The following AKAP6 variants were observed in gnomAD, a reference collection of about 807,000 sequenced individuals.
The protein encoded by AKAP6 is A-kinase anchoring protein 6.
Under a neutral mutation model 188.5 loss-of-function variants are expected in AKAP6, and 58 were observed. That is an observed-to-expected ratio of 0.31 (90% CI 0.25 to 0.38). The LOEUF (loss-of-function observed/expected upper bound fraction) is 0.38, where lower values mean the gene tolerates loss of function less well. Among genes scored for constraint, AKAP6 ranks in the 10% least tolerant of loss-of-function variants. AKAP6 has a pLI of 1.00. For missense variants in AKAP6, 2,710 were observed against 2,740.0 expected (o/e 0.99, Z 0.24); for synonymous variants, 989 against 998.6 (o/e 0.99, Z 0.18).
At chr14:32,411,200 A>G (rs1889473172) in intron 1 of AKAP6, among the ~76,000 whole-genome samples, 1 of 152,204 alleles carries the variant, frequency 6.6e-6, no homozygotes, top group South Asian at 2.1e-4. Context: ...TGCACAGGAC[A>G]GCTCTCCACA....
chr14:32,443,926 A>G (rs1252538079), intron 2 of AKAP6, among the ~76,000 whole-genome samples: 1 of 152,192 alleles, frequency 6.6e-6, no homozygotes, highest in East Asian at 1.9e-4. Context: ...GAGAGACACA[A>G]ACATCTTTGT....
At position 32,822,236 on chromosome 14, in the gene AKAP6, G is replaced by A; in HGVS notation, c.4423G>A (p.Gly1475Ser). ...FTFYDYSYLQ[G>S]SKLKLPMIMK... ...ATTTTATGATTACTCATACCTCCAA[G>A]GCTCAAAACTCAAATTACCAATGAT... The change falls in exon 13 of 14, where the codon GGC becomes AGC. Residue 1475 changes from glycine to serine, a missense_variant. Around this residue, in one of 2 missense-constraint regions of AKAP6, gnomAD observed 2,473 missense variants for 2,426.1 expected, o/e 1.02. Transcript: ENST00000280979. 6.2e-7 allele frequency: 1 copy of A among 1,613,854 alleles called. No individual in the cohort carries two copies. Among genetic ancestry groups the A allele is most frequent in the Non-Finnish European group, 8.5e-7 (1 of 1,179,928 alleles).
intron 5 of AKAP6, among the ~76,000 whole-genome samples, chr14:32,589,841 A>G (rs1169155084): frequency 6.6e-6 from 1 of 152,176 alleles, no homozygotes; most frequent in Admixed American, 6.5e-5. Flanking sequence ...AAGTTTACAG[A>G]CAAGCCTCAC....
At chr14:32,493,229 C>T (rs545632074) in intron 2 of AKAP6, among the ~76,000 whole-genome samples, 4 of 152,054 alleles carry the variant, frequency 2.6e-5, no homozygotes, top group African/African-American at 7.2e-5. Flanking sequence ...TTTTTTGAGA[C>T]AGGGTCTCTC....
At chr14:32,785,330 C>A (rs932147219) in intron 12 of AKAP6, among the ~76,000 whole-genome samples, 9 of 152,046 alleles carry the variant, frequency 5.9e-5, no homozygotes, top group African/African-American at 2.2e-4. Context: ...GAAAACATTT[C>A]TTTTGAATAA....
intron 10 of AKAP6, chr14:32,733,444 G>A (rs2031275406): frequency 6.6e-6 from 1 of 152,112 alleles, no homozygotes; most frequent in Non-Finnish European, 1.5e-5. Context: ...TATGGACGAT[G>A]TCAGTTATGG....
chr14:32,592,987 C>T (rs1418688345), intron 5 of AKAP6, among the ~76,000 whole-genome samples: 1 of 148,042 alleles, frequency 6.8e-6, no homozygotes, highest in Admixed American at 6.9e-5. Flanking sequence ...TCCTTGTTTA[C>T]ACAGTGTCCC....
chr14:32,832,329 C>T lies in AKAP6; in HGVS notation c.*2524C>T, dbSNP rs1431176846. 3 of 152,028 alleles carry T rather than the reference C, an allele frequency of 2.0e-5. No individual in the cohort carries two copies. Among genetic ancestry groups the T allele is most frequent in the Admixed American group, 2.0e-4 (3 of 15,254 alleles). 9.4% of individuals were successfully genotyped at this position (152,028 alleles called of 1,614,324 possible). ...GTATTATTTTACATACTGACACAAC[C>T]TAAATTTTCTTTGGGTAGTAACTAA... On this transcript the variant is annotated 3_prime_UTR_variant, in exon 14 of 14. Coordinates refer to ENST00000280979, the MANE Select transcript of AKAP6 (RefSeq NM_004274.5).
intron 11 of AKAP6, among the ~76,000 whole-genome samples, chr14:32,763,601 T>TA (rs1010280792): frequency 1.3e-5 from 2 of 152,146 alleles, no homozygotes; most frequent in African/African-American, 4.8e-5. Flanking sequence ...TAGAGGCTTT[T>TA]AAAAAACAAT....
chr14:32,439,007 T>C (rs1890479727), intron 2 of AKAP6: 1 of 152,208 alleles, frequency 6.6e-6, no homozygotes, highest in Non-Finnish European at 1.5e-5. Context: ...TTGAAGTGGC[T>C]TTCTGGAATC....
intron 12 of AKAP6, among the ~76,000 whole-genome samples, chr14:32,817,659 C>A (rs1468931686): frequency 1.3e-5 from 2 of 152,074 alleles, no homozygotes; most frequent in Non-Finnish European, 2.9e-5. Flanking sequence ...TCATTTATTA[C>A]TCCCTATCCA....
intron 7 of AKAP6, among the ~76,000 whole-genome samples, chr14:32,658,882 AT>A (rs1050858719): frequency 5.3e-5 from 8 of 151,626 alleles, no homozygotes; most frequent in African/African-American, 1.9e-4. Flanking sequence ...TCCATTAAGT[AT>A]TTTCCAATTC....
intron 2 of AKAP6, among the ~76,000 whole-genome samples, chr14:32,485,896 A>C (rs367693000): frequency 1.3e-5 from 2 of 152,132 alleles, no homozygotes; most frequent in South Asian, 4.1e-4. Context: ...GCCCATGCCT[A>C]TGTCCTGAAT....
At chr14:32,797,378 A>G (rs1333391192) in intron 12 of AKAP6, among the ~76,000 whole-genome samples, 2 of 152,214 alleles carry the variant, frequency 1.3e-5, no homozygotes, top group African/African-American at 4.8e-5. Context: ...CCTATCAGTG[A>G]TAGACTAGAT....
At chr14:32,662,015 A>G (rs373122512) in intron 7 of AKAP6, among the ~76,000 whole-genome samples, 5 of 152,116 alleles carry the variant, frequency 3.3e-5, no homozygotes, top group African/African-American at 1.2e-4. Flanking sequence ...GCATTTATCT[A>G]GGTACCTAGT....
intron 1 of AKAP6, among the ~76,000 whole-genome samples, chr14:32,371,414 T>C (rs1220921206): frequency 6.6e-6 from 1 of 152,132 alleles, no homozygotes; most frequent in Non-Finnish European, 1.5e-5. Flanking sequence ...CCTCCATCTC[T>C]ACAAAACAAA....
intron 7 of AKAP6, among the ~76,000 whole-genome samples, chr14:32,668,294 C>G (rs887842657): frequency 1.2e-4 from 19 of 152,074 alleles, no homozygotes; most frequent in Admixed American, 1.2e-3. Context: ...TAGATAAAAG[C>G]TCTTCACAAA....
At chr14:32,755,438 T>G (rs1320972033) in intron 11 of AKAP6, among the ~76,000 whole-genome samples, 1 of 151,914 alleles carries the variant, frequency 6.6e-6, no homozygotes, top group Non-Finnish European at 1.5e-5. Context: ...TATTGTTGTT[T>G]GTTAGTTTTG....
At chr14:32,718,311 C>A in intron 9 of AKAP6, 2 of 985,358 alleles carry the variant, frequency 2.0e-6, no homozygotes, top group Non-Finnish European at 2.4e-6. Context: ...GAGGCTGCAG[C>A]AGCAGCGTTT....
Sources: allele counts gnomAD v4.1 joint callset (sites outside exome capture counted in the v4.1 genomes callset), GRCh38; gene constraint gnomAD v4.1.1; regional missense constraint gnomAD v4.1.1; transcripts MANE v1.5; gene names NCBI Gene and HGNC (gene_info 2026-07-23, HGNC 2026-07-21).